EFR3A: variants seen among roughly 807,000 people sequenced by gnomAD.
EFR3A encodes the protein protein EFR3 homolog A.
Under a neutral mutation model 104.4 loss-of-function variants are expected in EFR3A, and 76 were observed. The observed-to-expected ratio is 0.73, with a 90% CI of 0.60 to 0.88. EFR3A has a LOEUF of 0.88. Ranked by LOEUF, EFR3A falls within the 40% of genes least tolerant of loss-of-function variation. EFR3A has a pLI of 0.00. For synonymous variants in EFR3A, 330 were observed against 330.0 expected (o/e 1.00, Z 0.00); for missense variants, 985 against 1,012.5 (o/e 0.97, Z 0.37).
chr8:131,933,775 C>A (rs1817736609), intron 1 of EFR3A, among the ~76,000 whole-genome samples: 1 of 150,224 alleles, frequency 6.7e-6, no homozygotes, highest in Non-Finnish European at 1.5e-5. Flanking sequence ...AAAGTATAAA[C>A]CAGTTAGTTG....
intron 14 of EFR3A, 76 bp from the exon 15 acceptor site, chr8:131,984,063 A>G (rs972990273): frequency 3.0e-6 from 4 of 1,329,016 alleles, no homozygotes; most frequent in Non-Finnish European, 4.0e-6. Flanking sequence ...CTACACTGTA[A>G]AAGTATATGC....
At chr8:131,955,566 G>A (rs1221043884) in intron 6 of EFR3A, among the ~76,000 whole-genome samples, 2 of 152,080 alleles carry the variant, frequency 1.3e-5, no homozygotes, top group Non-Finnish European at 2.9e-5. Flanking sequence ...AATTTGCACA[G>A]CCAAGTTTAT....
chr8:131,955,322 C>T (rs1021631846), intron 6 of EFR3A, among the ~76,000 whole-genome samples: 1 of 152,048 alleles, frequency 6.6e-6, no homozygotes, highest in South Asian at 2.1e-4. Context: ...AAGACAGCTA[C>T]GTATACAGAT....
chr8:131,996,312 G>T (rs1000540008), intron 18 of EFR3A, 94 bp from the exon 19 acceptor site: 3 of 733,802 alleles, frequency 4.1e-6, no homozygotes, highest in South Asian at 2.3e-5. Context: ...TGAATTTTTT[G>T]ACAGTTTTTG....
intron 1 of EFR3A, among the ~76,000 whole-genome samples, chr8:131,912,469 C>T (rs1586518336): frequency 6.6e-6 from 1 of 152,126 alleles, no homozygotes; most frequent in Admixed American, 6.5e-5. Flanking sequence ...CACTAACATG[C>T]AGAGGCAGTG....
At chr8:132,001,520 G>A (rs1026419920) in intron 19 of EFR3A, among the ~76,000 whole-genome samples, 2 of 152,254 alleles carry the variant, frequency 1.3e-5, no homozygotes, top group Non-Finnish European at 2.9e-5. Flanking sequence ...GTTAATTATT[G>A]CAGTCTAATG....
At chr8:131,969,855 C>T (rs892559456) in intron 9 of EFR3A, among the ~76,000 whole-genome samples, 2 of 152,128 alleles carry the variant, frequency 1.3e-5, no homozygotes, top group Non-Finnish European at 2.9e-5. Context: ...CATTTAAACA[C>T]GGCTGCCTTT....
chr8:131,930,896 G>A (rs1239944308), intron 1 of EFR3A, among the ~76,000 whole-genome samples: 2 of 152,064 alleles, frequency 1.3e-5, no homozygotes, highest in Admixed American at 6.6e-5. Context: ...ATCTTACGAG[G>A]TGCAGCCTAT....
At chr8:132,008,862 A>AG (rs1822175037) in intron 22 of EFR3A, among the ~76,000 whole-genome samples, 1 of 150,464 alleles carries the variant, frequency 6.6e-6, no homozygotes, top group East Asian at 1.9e-4. Flanking sequence ...AAAAAAAAAA[A>AG]AAAAAAAAAA....
Position 131,950,041 on chromosome 8 carries a change from T to C in EFR3A, c.439T>C (p.Phe147Leu). The C allele has an allele frequency of 6.2e-7, 1 of 1,610,212 alleles. No homozygotes were observed. Among genetic ancestry groups the C allele is most frequent in the Non-Finnish European group, 8.5e-7 (1 of 1,178,252 alleles). The change falls in exon 5 of 23, where the codon TTC (phenylalanine) becomes CTC (leucine). Residue 147 changes from phenylalanine to leucine, a missense_variant. Transcript: ENST00000254624. Reference protein sequence around the residue: ...HRRYDFFVSRFSAMCHSCHSD... With the variant: ...HRRYDFFVSRLSAMCHSCHSD... Reference sequence around the variant, plus strand: ...ACGTTATGACTTTTTTGTGTCTCGATTCAGTGCCATGTGCCATTCCTGTCA... The same window carrying C: ...ACGTTATGACTTTTTTGTGTCTCGACTCAGTGCCATGTGCCATTCCTGTCA...
rs150558671 is a variant in EFR3A at position 131,949,582 on chromosome 8, T to C, written c.367-387T>C. Reference sequence around the variant, plus strand: ...GCTTTGGGAGGCCAAGGCAGGAGGATCATTTGAGGCCAGGAGTTCAAGAGC... The same window carrying C: ...GCTTTGGGAGGCCAAGGCAGGAGGACCATTTGAGGCCAGGAGTTCAAGAGC... On this transcript the variant is annotated intron_variant, in intron 4 of 22. Coordinates refer to ENST00000254624, the MANE Select transcript of EFR3A (RefSeq NM_015137.6). Among the ~76,000 whole-genome samples, 1,164 of 152,194 alleles carry C rather than the reference T, an allele frequency of 7.6e-3. 6 individuals carry two copies. The highest frequency in any genetic ancestry group is 0.025 in the African/African-American group (1,026 of 41,538).
chr8:132,006,251 A>G (rs576296109), intron 22 of EFR3A, among the ~76,000 whole-genome samples: 4 of 152,286 alleles, frequency 2.6e-5, no homozygotes, highest in South Asian at 4.1e-4. Flanking sequence ...ATAGGCAAAC[A>G]ATAGAAAATA....
chr8:131,932,309 A>G (rs903837198), intron 1 of EFR3A, among the ~76,000 whole-genome samples: 1 of 152,132 alleles, frequency 6.6e-6, no homozygotes, highest in Non-Finnish European at 1.5e-5. Context: ...TTGTTCTTTT[A>G]AAATGGTTTA....
At chr8:131,982,147 A>T (rs768528972) in intron 14 of EFR3A, among the ~76,000 whole-genome samples, 414 of 152,204 alleles carry the variant, frequency 2.7e-3, no homozygotes, top group Admixed American at 6.1e-3. Context: ...CATTGCTCTG[A>T]CTTTGATGGA....
At chr8:131,955,385 T>C (rs1818924906) in intron 6 of EFR3A, among the ~76,000 whole-genome samples, 1 of 152,174 alleles carries the variant, frequency 6.6e-6, no homozygotes, top group Non-Finnish European at 1.5e-5. Flanking sequence ...GGTCATAGTT[T>C]TTCACTTTAT....
intron 1 of EFR3A, among the ~76,000 whole-genome samples, chr8:131,914,007 G>A (rs1471294500): frequency 6.6e-6 from 1 of 152,180 alleles, no homozygotes; most frequent in Non-Finnish European, 1.5e-5. Context: ...ATATTTAGAT[G>A]TAATAGAATT....
chr8:131,916,570 G>C (rs1488678870), intron 1 of EFR3A, among the ~76,000 whole-genome samples: 1 of 152,196 alleles, frequency 6.6e-6, no homozygotes, highest in Non-Finnish European at 1.5e-5. Context: ...ATTACTGAAG[G>C]ATAGGTTGTA....
intron 7 of EFR3A, among the ~76,000 whole-genome samples, chr8:131,957,350 C>CTTTTTTTTTTTTTTTT (rs1185442281): frequency 7.9e-6 from 1 of 125,966 alleles, no homozygotes; most frequent in Non-Finnish European, 1.7e-5. Flanking sequence ...GGGCCAGGGT[C>CTTTTTTTTTTTTTTTT]TTTTTTTTTT....
At chr8:131,989,967 C>T (rs1172637947) in intron 18 of EFR3A, among the ~76,000 whole-genome samples, 2 of 152,194 alleles carry the variant, frequency 1.3e-5, no homozygotes, top group Non-Finnish European at 2.9e-5. Context: ...AGGCCTGTGC[C>T]AAGTACTGCT....
Sources: gnomAD v4.1 joint callset for allele counts (sites outside exome capture counted in the v4.1 genomes callset) on GRCh38, gnomAD v4.1.1 for gene constraint, MANE v1.5 for transcripts, NCBI Gene and HGNC (gene_info 2026-07-23, HGNC 2026-07-21) for gene names.